Variants in PDE4B observed in about 807,000 individuals in gnomAD.
PDE4B encodes phosphodiesterase 4B.
A neutral mutation model predicts 82.2 loss-of-function variants in PDE4B; 20 were observed. The ratio of observed to expected loss-of-function variants is 0.24; its 90% CI spans 0.17 to 0.35. The LOEUF is 0.35. Among genes scored for constraint, PDE4B ranks in the 10% least tolerant of loss-of-function variants. PDE4B has a pLI of 1.00. For missense variants in PDE4B, 655 were observed against 907.2 expected, an observed-to-expected ratio of 0.72 and a Z score of 3.57; for synonymous variants, 320 against 318.9, an observed-to-expected ratio of 1.00 and a Z score of -0.04.
intron 3 of PDE4B, among the ~76,000 whole-genome samples, chr1:65,921,238 G>A (rs1050470616): frequency 1.3e-5 from 2 of 152,032 alleles, no homozygotes; most frequent in Non-Finnish European, 2.9e-5. Flanking sequence ...AAAGTGCTGG[G>A]ATTACAGGTG....
intron 3 of PDE4B, among the ~76,000 whole-genome samples, chr1:65,931,614 A>G (rs997371043): frequency 1.3e-5 from 2 of 152,206 alleles, no homozygotes; most frequent in Non-Finnish European, 2.9e-5. Flanking sequence ...TCCTTCCCCC[A>G]ACGAACCCAC....
At chr1:66,359,670 C>T (rs1662593500) in intron 9 of PDE4B, among the ~76,000 whole-genome samples, 1 of 152,084 alleles carries the variant, frequency 6.6e-6, no homozygotes, top group Non-Finnish European at 1.5e-5. Flanking sequence ...GTTATATGTG[C>T]AGTGACACAG....
intron 3 of PDE4B, among the ~76,000 whole-genome samples, chr1:66,168,346 A>AG (rs537786449): frequency 1.5e-3 from 228 of 152,246 alleles, no homozygotes; most frequent in African/African-American, 5.2e-3. Flanking sequence ...TGATGTTGTG[A>AG]GAAAAAAAAA....
intron 1 of PDE4B, among the ~76,000 whole-genome samples, chr1:65,853,580 A>G (rs1646356924): frequency 6.6e-6 from 1 of 150,860 alleles, no homozygotes; most frequent in South Asian, 2.1e-4. Flanking sequence ...GCCAGGCTAG[A>G]GTCCAGTGGC....
intron 3 of PDE4B, among the ~76,000 whole-genome samples, chr1:66,186,831 C>T (rs1480491566): frequency 6.6e-6 from 1 of 152,166 alleles, no homozygotes; most frequent in African/African-American, 2.4e-5. Context: ...TTATTTCCTT[C>T]TCCTGCCTAA....
chr1:66,366,674 G>C (rs1663274371), intron 13 of PDE4B, among the ~76,000 whole-genome samples: 1 of 152,170 alleles, frequency 6.6e-6, no homozygotes, highest in Non-Finnish European at 1.5e-5. Flanking sequence ...TGTTGGGGCA[G>C]CTACATGTCT....
intron 1 of PDE4B, among the ~76,000 whole-genome samples, chr1:65,797,026 C>G (rs1440059604): frequency 1.3e-5 from 2 of 150,948 alleles, no homozygotes; most frequent in Non-Finnish European, 2.9e-5. Context: ...TATTTCCACT[C>G]ACTGCAAGCT....
intron 3 of PDE4B, among the ~76,000 whole-genome samples, chr1:66,157,543 A>G (rs1429028876): frequency 6.6e-6 from 1 of 152,124 alleles, no homozygotes; most frequent in Non-Finnish European, 1.5e-5. Context: ...CCTCTACCAG[A>G]CCTTCTCATA....
chr1:65,882,645 A>G (rs60472271), intron 1 of PDE4B, among the ~76,000 whole-genome samples: 2,324 of 150,800 alleles, frequency 0.015, 81 homozygotes, highest in African/African-American at 0.054. Context: ...GATTTTAAAT[A>G]GAATTTTCTT....
chr1:66,273,479 G>T (rs369150072), intron 7 of PDE4B, among the ~76,000 whole-genome samples: 12 of 152,200 alleles, frequency 7.9e-5, no homozygotes, highest in Admixed American at 7.8e-4. Context: ...ATGTGCATAG[G>T]AAATACTACT....
chr1:66,303,370 T>TATATAC (rs1491459167), intron 7 of PDE4B, among the ~76,000 whole-genome samples: 13 of 130,808 alleles, frequency 9.9e-5, no homozygotes, highest in African/African-American at 3.2e-4. Flanking sequence ...TATATATATA[T>TATATAC]ACACACACAC....
At chr1:66,162,753 C>T (rs1389215279) in intron 3 of PDE4B, among the ~76,000 whole-genome samples, 1 of 152,028 alleles carries the variant, frequency 6.6e-6, no homozygotes, top group Admixed American at 6.6e-5. Context: ...TTCAGAATTG[C>T]GGTTTTTGGA....
intron 3 of PDE4B, among the ~76,000 whole-genome samples, chr1:65,922,919 G>A (rs1647300329): frequency 6.6e-6 from 1 of 152,114 alleles, no homozygotes; most frequent in African/African-American, 2.4e-5. Context: ...GAAGATATCA[G>A]GAGTATACCA....
At chr1:66,212,010 G>A (rs1650090785) in intron 3 of PDE4B, among the ~76,000 whole-genome samples, 1 of 152,184 alleles carries the variant, frequency 6.6e-6, no homozygotes, top group Non-Finnish European at 1.5e-5. Flanking sequence ...AAGTACTCCA[G>A]CACATTCCTT....
intron 1 of PDE4B, among the ~76,000 whole-genome samples, chr1:65,794,269 G>A (rs1350011442): frequency 6.6e-6 from 1 of 152,100 alleles, no homozygotes; most frequent in Non-Finnish European, 1.5e-5. Context: ...ATTTCCAGCT[G>A]CTGGAAAACT....
At chr1:66,073,533 C>T (rs1656269343) in intron 3 of PDE4B, among the ~76,000 whole-genome samples, 1 of 152,044 alleles carries the variant, frequency 6.6e-6, no homozygotes, top group African/African-American at 2.4e-5. Flanking sequence ...TCATATCACC[C>T]TCCTCCACTC....
chr1:66,065,210 T>C (rs558968867), intron 3 of PDE4B, among the ~76,000 whole-genome samples: 123 of 152,046 alleles, frequency 8.1e-4, no homozygotes, highest in African/African-American at 2.9e-3. Flanking sequence ...ATCAACTAGT[T>C]CTTAGTTAAC....
intron 3 of PDE4B, among the ~76,000 whole-genome samples, chr1:66,057,139 T>C (rs980366489): frequency 1.3e-5 from 2 of 152,190 alleles, no homozygotes; most frequent in African/African-American, 4.8e-5. Flanking sequence ...GTCCCCAGTT[T>C]GGTGCACCAT....
chr1:65,906,993 A>AT (rs1647034144), intron 1 of PDE4B, among the ~76,000 whole-genome samples: 1 of 152,176 alleles, frequency 6.6e-6, no homozygotes, highest in Non-Finnish European at 1.5e-5. Context: ...ATTGATACTT[A>AT]TTACTTAATT....
Sources: allele counts gnomAD v4.1 joint callset (sites outside exome capture counted in the v4.1 genomes callset), GRCh38; gene constraint gnomAD v4.1.1; transcripts MANE v1.5; gene names NCBI Gene and HGNC (gene_info 2026-07-23, HGNC 2026-07-21).